Variants in KCNK10 observed in about 807,000 individuals in gnomAD.
The protein encoded by KCNK10 is potassium channel subfamily K member 10.
A neutral mutation model predicts 47.7 loss-of-function variants in KCNK10; 25 were observed. The ratio of observed to expected loss-of-function variants is 0.52; its 90% CI spans 0.38 to 0.73. The LOEUF is 0.73. KCNK10 is among the 30% of genes least tolerant of loss of function. The pLI is 0.00. For synonymous variants in KCNK10, 303 were observed against 285.6 expected, an observed-to-expected ratio of 1.06 and a Z score of -0.61; for missense variants, 563 against 714.5, an observed-to-expected ratio of 0.79 and a Z score of 2.42.
chr14:88,280,474 A>C (rs1436404782), intron 1 of KCNK10, among the ~76,000 whole-genome samples: 1 of 152,152 alleles, frequency 6.6e-6, no homozygotes, highest in Non-Finnish European at 1.5e-5. Flanking sequence ...CTATACACCC[A>C]GACCCAAAAT....
chr14:88,199,379 C>A (rs1885028063), intron 4 of KCNK10, among the ~76,000 whole-genome samples: 2 of 152,104 alleles, frequency 1.3e-5, no homozygotes, highest in South Asian at 4.1e-4. Flanking sequence ...GTTGTAAAAG[C>A]AGAAAAGTAG....
At chr14:88,274,986 C>A (rs1205583063) in intron 1 of KCNK10, among the ~76,000 whole-genome samples, 2 of 152,122 alleles carry the variant, frequency 1.3e-5, no homozygotes, top group South Asian at 2.1e-4. Context: ...CTCACCCCTA[C>A]CCCAAACCAT....
At chr14:88,210,209 T>C (rs1004704733) in intron 4 of KCNK10, among the ~76,000 whole-genome samples, 7 of 152,166 alleles carry the variant, frequency 4.6e-5, no homozygotes, top group African/African-American at 1.7e-4. Flanking sequence ...TGATAAGAAG[T>C]AGACATAGCA....
chr14:88,263,790 G>A (rs1887183220), intron 1 of KCNK10, among the ~76,000 whole-genome samples: 1 of 151,974 alleles, frequency 6.6e-6, no homozygotes, highest in Non-Finnish European at 1.5e-5. Context: ...AACTGAGTTT[G>A]AAATACTTAC....
intron 1 of KCNK10, among the ~76,000 whole-genome samples, chr14:88,267,478 C>G (rs974051470): frequency 2.6e-5 from 4 of 151,856 alleles, no homozygotes; most frequent in African/African-American, 9.7e-5. Context: ...TCAAGCTACT[C>G]TCCTGCCTCA....
chr14:88,186,346 G>T lies in KCNK10; in HGVS notation c.1012-191C>A, dbSNP rs948771637. The stretch of plus-strand genomic sequence containing the variant: ...CTGGACACCCATCCCTAATTGGCTA[G>T]TAAATAAGGTGGCTCAGGGAGACAC... On this transcript the variant is annotated intron_variant, in intron 6 of 6. Transcript: ENST00000319231. The surrounding 1 kb of genome is among the most constrained non-coding windows in gnomAD (Gnocchi z 5.5). Among the ~76,000 whole-genome samples, 1 of 152,166 alleles carries T rather than the reference G, an allele frequency of 6.6e-6. No homozygotes were observed.
In KCNK10 at chr14:88,285,947, C is replaced by A. The variant is rs114282101; in HGVS notation, c.53-22396G>T. Among the ~76,000 whole-genome samples the A allele has an allele frequency of 5.3e-3, 808 of 152,216 alleles. 8 individuals carry two copies. Among genetic ancestry groups the A allele is most frequent in the African/African-American group, 0.018 (768 of 41,540 alleles). ...CTAAAGCAGAAGTGACACTATGTGA[C>A]CTCCAAAGCTAAATAATGAAAGACC... On this transcript the variant is annotated intron_variant, in intron 1 of 6. Coordinates refer to ENST00000319231, the MANE Select transcript of KCNK10 (RefSeq NM_138317.3).
At chr14:88,318,867 A>G (rs911787532) in intron 1 of KCNK10, among the ~76,000 whole-genome samples, 3 of 152,196 alleles carry the variant, frequency 2.0e-5, no homozygotes, top group Non-Finnish European at 4.4e-5. Flanking sequence ...TTTGCCCCCA[A>G]ATCCAAAGTT....
At chr14:88,256,122 G>A (rs1170706466) in intron 2 of KCNK10, among the ~76,000 whole-genome samples, 6 of 152,176 alleles carry the variant, frequency 3.9e-5, no homozygotes, top group Non-Finnish European at 5.9e-5. Flanking sequence ...GCCCCAGCTC[G>A]GGTTAAGCGG....
chr14:88,240,626 T>A, intron 3 of KCNK10, 77 bp downstream of exon 3: 6 of 908,592 alleles, frequency 6.6e-6, no homozygotes, highest in Non-Finnish European at 7.4e-6. Context: ...GTGTATGCTA[T>A]GAGGACAAAA....
At chr14:88,221,399 CT>C (rs762991906) in intron 4 of KCNK10, among the ~76,000 whole-genome samples, 2 of 151,986 alleles carry the variant, frequency 1.3e-5, no homozygotes, top group African/African-American at 2.4e-5. Context: ...AGGCCAAAGA[CT>C]TTAACAGACA....
At chr14:88,253,080 C>T (rs1210723965) in intron 2 of KCNK10, among the ~76,000 whole-genome samples, 2 of 152,160 alleles carry the variant, frequency 1.3e-5, no homozygotes, top group East Asian at 1.9e-4. Flanking sequence ...ACTTTACCCT[C>T]TGTAAAATGG....
intron 2 of KCNK10, among the ~76,000 whole-genome samples, chr14:88,241,900 G>C (rs1366403901): frequency 6.6e-6 from 1 of 152,182 alleles, no homozygotes; most frequent in Non-Finnish European, 1.5e-5. Flanking sequence ...AGTTCTTCCT[G>C]AGCTGGCCCC....
At chr14:88,277,456 G>T (rs900210759) in intron 1 of KCNK10, among the ~76,000 whole-genome samples, 33 of 152,202 alleles carry the variant, frequency 2.2e-4, no homozygotes, top group African/African-American at 7.2e-4. Flanking sequence ...GGCTGGGAGT[G>T]GGCGCAGGTT....
At chr14:88,293,666 C>T (rs982387905) in intron 1 of KCNK10, among the ~76,000 whole-genome samples, 2 of 151,714 alleles carry the variant, frequency 1.3e-5, no homozygotes, top group African/African-American at 4.8e-5. Context: ...TTCTTAGCCT[C>T]CTTCTCCTCC....
intron 3 of KCNK10, among the ~76,000 whole-genome samples, chr14:88,234,050 T>C (rs1485794855): frequency 2.6e-5 from 4 of 152,234 alleles, no homozygotes; most frequent in Admixed American, 2.6e-4. Context: ...GTTAACAATC[T>C]GCTGAACACA....
rs1884364413 is a variant in KCNK10, at chr14:88,181,696, C to T, written c.*3839G>A. 1 of 152,218 alleles carries T rather than the reference C, an allele frequency of 6.6e-6. No homozygotes were observed. Among genetic ancestry groups the T allele is most frequent in the African/African-American group, 2.4e-5 (1 of 41,374 alleles). The allele number at this position is 152,218 out of a possible 1,614,324, so 9.4% of individuals were successfully genotyped here. A position where few individuals can be genotyped will look rare whatever the true frequency, so the allele number is the denominator to read the frequency against. On this transcript the variant is annotated 3_prime_UTR_variant, in exon 7 of 7. Coordinates refer to ENST00000319231, the MANE Select transcript of KCNK10 (RefSeq NM_138317.3). Reference sequence around the variant, plus strand: ...GTACATCTGGTCTCCATTAATCCCCCAAAAGACAAATCCCAAAGGGCAAGA... The same window carrying T: ...GTACATCTGGTCTCCATTAATCCCCTAAAAGACAAATCCCAAAGGGCAAGA...
intron 1 of KCNK10, among the ~76,000 whole-genome samples, chr14:88,306,469 A>T (rs2139794996): frequency 6.6e-6 from 1 of 152,306 alleles, no homozygotes; most frequent in South Asian, 2.1e-4. Flanking sequence ...ATTTTGGGGA[A>T]ATGTGGGGGA....
chr14:88,319,478 G>A (rs1888499475), intron 1 of KCNK10, among the ~76,000 whole-genome samples: 1 of 152,080 alleles, frequency 6.6e-6, no homozygotes, highest in African/African-American at 2.4e-5. Context: ...CATTTGGTCT[G>A]TGTAATCCAG....
Sources: allele counts gnomAD v4.1 joint callset (sites outside exome capture counted in the v4.1 genomes callset), GRCh38; gene constraint gnomAD v4.1.1; non-coding constraint Gnocchi (gnomAD v3.1); transcripts MANE v1.5; gene names NCBI Gene and HGNC (gene_info 2026-07-23, HGNC 2026-07-21).